The following CFAP20DC variants were observed in gnomAD, a reference collection of about 807,000 sequenced individuals.
The protein encoded by CFAP20DC is protein CFAP20DC.
CFAP20DC carries 84 observed loss-of-function variants against 101.7 expected under a neutral mutation model. That is an observed-to-expected ratio of 0.83 (90% CI 0.69 to 0.99). The LOEUF (loss-of-function observed/expected upper bound fraction) is 0.99, where lower values mean the gene tolerates loss of function less well. CFAP20DC is among the 50% of genes least tolerant of loss of function. CFAP20DC has a pLI of 0.00. For missense variants in CFAP20DC, 1,007 were observed against 970.3 expected (o/e 1.04, Z -0.50); for synonymous variants, 359 against 351.2 (o/e 1.02, Z -0.25).
rs534862496 is a variant in CFAP20DC, at chr3:58,945,044, T to A, written c.279-7282A>T. On this transcript the variant is annotated intron_variant, in intron 4 of 16. Transcript: ENST00000482387. ...GAACATTCTCTATATGCCAACAATGTATTAAGCACTCTATATACTTTATCT... is the reference window on the plus strand; with the variant it reads ...GAACATTCTCTATATGCCAACAATGAATTAAGCACTCTATATACTTTATCT... 6.6e-5 allele frequency among the ~76,000 whole-genome samples: 10 copies of A among 152,340 alleles called. No individual in the cohort carries two copies. The East Asian group carries it at 1.9e-3, about 29-fold the overall frequency.
chr3:58,843,736 G>A (rs1370698918), intron 13 of CFAP20DC, among the ~76,000 whole-genome samples: 7 of 150,282 alleles, frequency 4.7e-5, no homozygotes, highest in South Asian at 2.1e-4. Flanking sequence ...TTGAAATGAA[G>A]GAAAAAATGT....
At chr3:58,931,568 A>C (rs2086693628) in intron 5 of CFAP20DC, among the ~76,000 whole-genome samples, 1 of 152,306 alleles carries the variant, frequency 6.6e-6, no homozygotes, top group African/African-American at 2.4e-5. Flanking sequence ...TACTCCTCTG[A>C]GACAAAACTT....
chr3:58,842,307 C>T (rs529294157), intron 13 of CFAP20DC, among the ~76,000 whole-genome samples: 13 of 152,152 alleles, frequency 8.5e-5, no homozygotes, highest in Non-Finnish European at 1.6e-4. Context: ...AGTGGGTGCG[C>T]GCACCGTGCG....
At chr3:59,023,711 A>G (rs944488116) in intron 4 of CFAP20DC, among the ~76,000 whole-genome samples, 3 of 152,146 alleles carry the variant, frequency 2.0e-5, no homozygotes, top group South Asian at 2.1e-4. Flanking sequence ...GCTAAGACCA[A>G]TATCTAAAAC....
intron 15 of CFAP20DC, among the ~76,000 whole-genome samples, chr3:58,777,314 T>C (rs559500109): frequency 1.0e-3 from 158 of 152,338 alleles, no homozygotes; most frequent in Middle Eastern, 0.01. Context: ...TACTGATTGA[T>C]GTCTGAAGTC....
intron 12 of CFAP20DC, among the ~76,000 whole-genome samples, chr3:58,852,061 C>G (rs546252209): frequency 2.6e-5 from 4 of 152,130 alleles, no homozygotes; most frequent in Admixed American, 2.6e-4. Flanking sequence ...AAAACCATTG[C>G]CATGACCTTT....
At chr3:58,905,206 A>G (rs970400393) in intron 6 of CFAP20DC, among the ~76,000 whole-genome samples, 1 of 152,152 alleles carries the variant, frequency 6.6e-6, no homozygotes, top group African/African-American at 2.4e-5. Context: ...ATCTTGCTTC[A>G]TGGATCATCA....
At chr3:59,037,451 C>T (rs973193393) in intron 4 of CFAP20DC, among the ~76,000 whole-genome samples, 18 of 151,700 alleles carry the variant, frequency 1.2e-4, no homozygotes, top group Middle Eastern at 3.5e-3. Flanking sequence ...AAAAAAAACT[C>T]CAGCAAAAAC....
At chr3:58,820,369 G>A (rs1340513170) in intron 14 of CFAP20DC, among the ~76,000 whole-genome samples, 1 of 150,282 alleles carries the variant, frequency 6.7e-6, no homozygotes, top group East Asian at 2.0e-4. Context: ...GTTTGCAGAC[G>A]ACATGATTGT....
In CFAP20DC at chr3:58,864,622, TA is replaced by T. The variant is rs1240978940; in HGVS notation, c.1259-731del. Among the ~76,000 whole-genome samples the T allele has an allele frequency of 6.6e-6, 1 of 152,140 alleles. No homozygotes were observed. Among genetic ancestry groups the T allele is most frequent in the African/African-American group, 2.4e-5 (1 of 41,440 alleles). On this transcript the variant is annotated intron_variant, in intron 11 of 16. Coordinates refer to ENST00000482387, the MANE Select transcript of CFAP20DC (RefSeq NM_001394063.1). This position sits in a 1 kb window ranked among gnomAD's most constrained non-coding sequence, Gnocchi z 4.7. ...GGACAGAGTACTTAACCAGCTTCTTTAAAAAAATATCTGGTCTTAATTCAGA... is the reference window on the plus strand; with the variant it reads ...GGACAGAGTACTTAACCAGCTTCTTTAAAAAATATCTGGTCTTAATTCAGA...
chr3:58,940,940 GT>G (rs2088468283), intron 4 of CFAP20DC, among the ~76,000 whole-genome samples: 1 of 152,060 alleles, frequency 6.6e-6, no homozygotes, highest in African/African-American at 2.4e-5. Context: ...CTTTTTTAAT[GT>G]TTTATAGTTT....
At chr3:58,751,752 TG>T (rs771635873) in intron 16 of CFAP20DC, among the ~76,000 whole-genome samples, 1 of 152,042 alleles carries the variant, frequency 6.6e-6, no homozygotes, top group South Asian at 2.1e-4. Flanking sequence ...CCAGGCTGCT[TG>T]GGTTCAAATC....
chr3:59,014,450 C>T lies in CFAP20DC; in HGVS notation c.278+25107G>A, dbSNP rs1439359450. ...CTGAAACTTTATGATATCTATAATC[C>T]AAATAGTGTTGTCAATTCATAGGGA... On this transcript the variant is annotated intron_variant, in intron 4 of 16. Coordinates refer to ENST00000482387, the MANE Select transcript of CFAP20DC (RefSeq NM_001394063.1). This position sits in a 1 kb window ranked among gnomAD's most constrained non-coding sequence, Gnocchi z 4.9. Among the ~76,000 whole-genome samples the T allele has an allele frequency of 6.6e-6, 1 of 151,928 alleles. No homozygotes were observed. The highest frequency in any genetic ancestry group is 1.5e-5 in the Non-Finnish European group (1 of 67,968).
Position 58,884,568 on chromosome 3 carries a change from T to C in CFAP20DC, c.692A>G (p.His231Arg), listed in dbSNP as rs2081464254. 1 of 1,614,030 alleles carries C rather than the reference T, an allele frequency of 6.2e-7. No homozygotes were observed. Among genetic ancestry groups the C allele is most frequent in the Non-Finnish European group, 8.5e-7 (1 of 1,179,890 alleles). Reference sequence around the variant, plus strand: ...ACCTGATTCTGCTGATCTTAGAGGATGGCCTCCGAATTTTATTTCAGTTTG... The same window carrying C: ...ACCTGATTCTGCTGATCTTAGAGGACGGCCTCCGAATTTTATTTCAGTTTG... ...LRQTEIKFGG[H>R]PLRSAESDQF... Residue 231 changes from histidine (H) to arginine (R), a missense_variant, in exon 7 of 17, where the codon CAT becomes CGT. By Grantham distance (29) the His-to-Arg change is conservative. Transcript: ENST00000482387.
chr3:58,829,622 A>G (rs1163040579), intron 14 of CFAP20DC, among the ~76,000 whole-genome samples: 1 of 152,184 alleles, frequency 6.6e-6, no homozygotes, highest in African/African-American at 2.4e-5. Flanking sequence ...TTCTCTGTCT[A>G]AAAAATATCA....
At chr3:58,886,237 TAAAC>T (rs1264717000) in intron 6 of CFAP20DC, among the ~76,000 whole-genome samples, 3 of 152,040 alleles carry the variant, frequency 2.0e-5, no homozygotes, top group Admixed American at 6.6e-5. Context: ...TTCTGAAAAA[TAAAC>T]AACTTAAATT....
intron 4 of CFAP20DC, among the ~76,000 whole-genome samples, chr3:59,031,269 A>G (rs1265962471): frequency 6.6e-6 from 1 of 152,184 alleles, no homozygotes; most frequent in African/African-American, 2.4e-5. Flanking sequence ...GTTCAGCCAA[A>G]TGTCTTGTAC....
At chr3:58,927,266 A>C (rs1420549140) in intron 5 of CFAP20DC, among the ~76,000 whole-genome samples, 1 of 152,194 alleles carries the variant, frequency 6.6e-6, no homozygotes, top group Non-Finnish European at 1.5e-5. Context: ...TGTGGCTAGA[A>C]GAATATTAAC....
intron 5 of CFAP20DC, among the ~76,000 whole-genome samples, chr3:58,933,824 G>C (rs1294744455): frequency 6.6e-6 from 1 of 151,974 alleles, no homozygotes; most frequent in Admixed American, 6.6e-5. Flanking sequence ...AAGCAGGAAA[G>C]ATCCAAAATT....
Sources: gnomAD v4.1 joint callset for allele counts (sites outside exome capture counted in the v4.1 genomes callset) on GRCh38, gnomAD v4.1.1 for gene constraint, Gnocchi (gnomAD v3.1) non-coding constraint, MANE v1.5 for transcripts, NCBI Gene and HGNC (gene_info 2026-07-23, HGNC 2026-07-21) for gene names.